Variants in HYCC1 observed in about 807,000 individuals in gnomAD.
HYCC1 encodes the protein hyccin PI4KA lipid kinase complex subunit 1, also known as hyccin.
chr7:22,942,321 C>T, the HYCC1 span: 4 of 152,080 alleles, frequency 2.6e-5, no homozygotes, highest in African/African-American at 9.7e-5. Context: ...CATTTAAATG[C>T]CGAGAATTCC....
the HYCC1 span, among the ~76,000 whole-genome samples, chr7:22,929,048 C>T: frequency 6.6e-6 from 1 of 152,202 alleles, no homozygotes; most frequent in South Asian, 2.1e-4. Context: ...ATATCTACAA[C>T]TACCTGATCT....
chr7:23,006,591 A>G, the HYCC1 span, among the ~76,000 whole-genome samples: 2 of 152,160 alleles, frequency 1.3e-5, no homozygotes, highest in Non-Finnish European at 1.5e-5. Flanking sequence ...TAAGGCTTAC[A>G]TTATTCTCTT....
the HYCC1 span, among the ~76,000 whole-genome samples, chr7:22,914,994 T>A: frequency 6.6e-6 from 1 of 152,196 alleles, no homozygotes. Context: ...TTTTTCTTTA[T>A]CCGACCTCTC....
At chr7:22,952,187 G>A in the HYCC1 span, among the ~76,000 whole-genome samples, 10 of 151,828 alleles carry the variant, frequency 6.6e-5, no homozygotes, top group African/African-American at 2.2e-4. Context: ...CTGTAATATC[G>A]GAACCAAGTA....
At chr7:22,907,116 A>AAAAAT in the HYCC1 span, among the ~76,000 whole-genome samples, 1 of 150,412 alleles carries the variant, frequency 6.6e-6, no homozygotes, top group Non-Finnish European at 1.5e-5. Context: ...AAAAAAAAAA[A>AAAAAT]AAAAAAAAAA....
At chr7:22,924,863 T>G in the HYCC1 span, among the ~76,000 whole-genome samples, 3 of 152,226 alleles carry the variant, frequency 2.0e-5, no homozygotes, top group African/African-American at 7.2e-5. Flanking sequence ...GTTTGAGATC[T>G]GAGAATGGGC....
chr7:22,946,037 T>G, the HYCC1 span: 8 of 1,613,742 alleles, frequency 5.0e-6, no homozygotes, highest in Non-Finnish European at 6.8e-6. Context: ...ACTTGGCTTG[T>G]TACTACAATT....
the HYCC1 span, among the ~76,000 whole-genome samples, chr7:22,996,195 A>C: frequency 6.6e-6 from 1 of 151,644 alleles, no homozygotes; most frequent in Non-Finnish European, 1.5e-5. Flanking sequence ...TGGGAGGCTG[A>C]GATAGAAGAA....
the HYCC1 span, among the ~76,000 whole-genome samples, chr7:22,904,275 C>G: frequency 1.3e-5 from 2 of 151,702 alleles, no homozygotes; most frequent in Non-Finnish European, 2.9e-5. Flanking sequence ...ACTAAAAGTA[C>G]AAAAACTTAG....
the HYCC1 span, among the ~76,000 whole-genome samples, chr7:22,958,905 C>CT: frequency 9.2e-5 from 14 of 152,142 alleles, no homozygotes; most frequent in African/African-American, 3.1e-4. Flanking sequence ...GTAGCAGTAG[C>CT]TTAGAAGCAA....
At chr7:22,917,630 C>T in the HYCC1 span, among the ~76,000 whole-genome samples, 1 of 152,180 alleles carries the variant, frequency 6.6e-6, no homozygotes, top group Non-Finnish European at 1.5e-5. Context: ...TCTTCCCTTC[C>T]GTCAGACATA....
At chr7:22,995,487 T>C in the HYCC1 span, among the ~76,000 whole-genome samples, 53 of 152,330 alleles carry the variant, frequency 3.5e-4, no homozygotes, top group African/African-American at 1.1e-3. Context: ...CTAGACCACC[T>C]GTTTTCAAAC....
At chr7:22,901,196 G>C in the HYCC1 span, among the ~76,000 whole-genome samples, 2 of 122,264 alleles carry the variant, frequency 1.6e-5, no homozygotes, top group African/African-American at 3.2e-5. Flanking sequence ...ACTACAGCCT[G>C]GACAATGGGA....
At chr7:23,000,828 A>G in the HYCC1 span, among the ~76,000 whole-genome samples, 1 of 152,124 alleles carries the variant, frequency 6.6e-6, no homozygotes, top group Admixed American at 6.6e-5. Flanking sequence ...ACATCTGCAT[A>G]AGAAGCCACA....
At chr7:22,900,344 A>G in the HYCC1 span, among the ~76,000 whole-genome samples, 1 of 152,240 alleles carries the variant, frequency 6.6e-6, no homozygotes, top group Non-Finnish European at 1.5e-5. Context: ...CTTTCCTACT[A>G]GCAAATATCA....
At chr7:22,977,752 C>T in the HYCC1 span, among the ~76,000 whole-genome samples, 1 of 152,060 alleles carries the variant, frequency 6.6e-6, no homozygotes, top group African/African-American at 2.4e-5. Context: ...AAGAAAATGA[C>T]CTTATATTTC....
the HYCC1 span, among the ~76,000 whole-genome samples, chr7:23,004,035 T>C: frequency 1.3e-5 from 2 of 152,364 alleles, no homozygotes; most frequent in East Asian, 1.9e-4. Flanking sequence ...CTGATTCATA[T>C]TAACTGGGCT....
the HYCC1 span, among the ~76,000 whole-genome samples, chr7:22,908,623 C>T: frequency 6.6e-6 from 1 of 152,258 alleles, no homozygotes; most frequent in African/African-American, 2.4e-5. Context: ...AACACCTTTC[C>T]AGCCTCTAAT....
At chr7:23,011,951 A>G in the HYCC1 span, among the ~76,000 whole-genome samples, 2 of 152,210 alleles carry the variant, frequency 1.3e-5, no homozygotes, top group African/African-American at 4.8e-5. Context: ...TACACTAGGC[A>G]TATCTCTATT....
Sources: allele counts gnomAD v4.1 joint callset (sites outside exome capture counted in the v4.1 genomes callset), GRCh38; gene constraint gnomAD v4.1.1; transcripts MANE v1.5; gene names NCBI Gene and HGNC (gene_info 2026-07-23, HGNC 2026-07-21).